LRRC72: variants seen among roughly 807,000 people sequenced by gnomAD.
The protein encoded by LRRC72 is leucine-rich repeat-containing protein 72.
LRRC72 carries 41 observed loss-of-function variants against 35.8 expected under a neutral mutation model. The ratio of observed to expected loss-of-function variants is 1.15; its 90% CI spans 0.89 to 1.49. LRRC72 has a LOEUF of 1.49. Ranked by LOEUF, LRRC72 falls within the 40% of genes most tolerant of loss-of-function variation. The pLI, the probability that LRRC72 is intolerant of heterozygous loss-of-function variation, is 0.00. For synonymous variants in LRRC72, 118 were observed against 119.2 expected, an observed-to-expected ratio of 0.99 and a Z score of 0.07; for missense variants, 389 against 330.7, an observed-to-expected ratio of 1.18 and a Z score of -1.37.
chr7:16,544,890 G>T (rs1643879608), intron 3 of LRRC72, among the ~76,000 whole-genome samples: 1 of 152,180 alleles, frequency 6.6e-6, no homozygotes, highest in Admixed American at 6.5e-5. Flanking sequence ...AATGGTTAAT[G>T]CATTTTATAA....
intron 1 of LRRC72, among the ~76,000 whole-genome samples, chr7:16,531,614 T>A (rs1782166630): frequency 1.3e-5 from 2 of 152,352 alleles, no homozygotes; most frequent in South Asian, 2.1e-4. Flanking sequence ...TTGACTCTGA[T>A]AATTACAATG....
At chr7:16,545,240 T>C (rs899238001) in intron 3 of LRRC72, among the ~76,000 whole-genome samples, 1 of 152,268 alleles carries the variant, frequency 6.6e-6, no homozygotes, top group African/African-American at 2.4e-5. Flanking sequence ...GATACTGTTA[T>C]GATTTCCTAG....
At chr7:16,538,973 G>A (rs1327934836) in intron 3 of LRRC72, among the ~76,000 whole-genome samples, 1 of 152,164 alleles carries the variant, frequency 6.6e-6, no homozygotes, top group Non-Finnish European at 1.5e-5. Flanking sequence ...GTGTGAAAAT[G>A]GACGAATACA....
At chr7:16,539,310 G>T (rs1469876240) in intron 3 of LRRC72, among the ~76,000 whole-genome samples, 1 of 152,120 alleles carries the variant, frequency 6.6e-6, no homozygotes, top group Non-Finnish European at 1.5e-5. Flanking sequence ...AGAGACCTGT[G>T]GAACTTTGAA....
chr7:16,573,925 G>T (rs564002575), intron 7 of LRRC72, among the ~76,000 whole-genome samples: 1 of 152,038 alleles, frequency 6.6e-6, no homozygotes, highest in Non-Finnish European at 1.5e-5. Context: ...GCTAATATCC[G>T]GAATCTACAA....
intron 3 of LRRC72, among the ~76,000 whole-genome samples, chr7:16,556,401 A>G (rs900020238): frequency 1.3e-5 from 2 of 152,198 alleles, no homozygotes; most frequent in African/African-American, 4.8e-5. Context: ...GATGGTCAAG[A>G]AAATGGAGGT....
chr7:16,530,580 T>C (rs546008601), intron 1 of LRRC72: 1 of 152,356 alleles, frequency 6.6e-6, no homozygotes, highest in Non-Finnish European at 1.5e-5. Flanking sequence ...CTCTATATTT[T>C]GAAACTACTT....
chr7:16,565,618 A>T (rs890860928), intron 5 of LRRC72, among the ~76,000 whole-genome samples: 4 of 152,208 alleles, frequency 2.6e-5, no homozygotes, highest in African/African-American at 7.2e-5. Flanking sequence ...ATATGATGTC[A>T]AAAGTGCCAG....
chr7:16,537,576 C>A, intron 2 of LRRC72, 51 bp from the exon 3 acceptor site: 1 of 1,126,104 alleles, frequency 8.9e-7, no homozygotes, highest in Non-Finnish European at 1.3e-6. Context: ...CCAGACTTAC[C>A]TATGTGTGAA....
Position 16,528,229 on chromosome 7 carries a change from T to C in LRRC72, c.90+1187T>C, listed in dbSNP as rs535388002. Among the ~76,000 whole-genome samples the C allele has an allele frequency of 4.6e-5, 7 of 152,294 alleles. No individual in the cohort carries two copies. The East Asian group carries it at 1.2e-3, about 25-fold the overall frequency. On this transcript the variant is annotated intron_variant, in intron 1 of 8. Transcript: ENST00000401542. ...ATCCTCCTCTGTCTCCTTTCCATCA[T>C]GTTTCCCTCTCCCTTCTCTCCATGT... is the stretch of plus-strand genomic sequence containing the variant.
chr7:16,545,284 C>A (rs890285643), intron 3 of LRRC72, among the ~76,000 whole-genome samples: 1 of 152,232 alleles, frequency 6.6e-6, no homozygotes, highest in Non-Finnish European at 1.5e-5. Flanking sequence ...GAGAATTCAG[C>A]AAATAGCACA....
At chr7:16,532,410 G>A (rs1455301037) in intron 1 of LRRC72, 85 bp from the exon 2 acceptor site, 1 of 881,604 alleles carries the variant, frequency 1.1e-6, no homozygotes, top group East Asian at 2.6e-5. Context: ...TGATCTTCTT[G>A]TAGACGTTAT....
At chr7:16,562,291 T>C (rs1172386674) in intron 5 of LRRC72, among the ~76,000 whole-genome samples, 2 of 152,160 alleles carry the variant, frequency 1.3e-5, no homozygotes, top group African/African-American at 2.4e-5. Flanking sequence ...AGAATCCACA[T>C]GTGTCAAAGA....
chr7:16,548,434 C>T (rs1290844246), intron 3 of LRRC72, among the ~76,000 whole-genome samples: 2 of 152,174 alleles, frequency 1.3e-5, no homozygotes, highest in African/African-American at 4.8e-5. Context: ...GAACCCAGAC[C>T]TAGGAGCTCC....
At chr7:16,581,299 TG>T in intron 8 of LRRC72, 24 bp from the exon 9 acceptor site, 1 of 1,417,588 alleles carries the variant, frequency 7.1e-7, no homozygotes, top group Non-Finnish European at 9.3e-7. Context: ...GCTTTTTTTC[TG>T]ACATAATTGC....
intron 1 of LRRC72, among the ~76,000 whole-genome samples, chr7:16,528,607 C>A (rs1055049931): frequency 6.6e-6 from 1 of 152,144 alleles, no homozygotes; most frequent in Non-Finnish European, 1.5e-5. Flanking sequence ...CTGCCCCCAC[C>A]CTGAGGGGGC....
intron 5 of LRRC72, among the ~76,000 whole-genome samples, chr7:16,560,190 C>A (rs1782722222): frequency 6.6e-6 from 1 of 152,118 alleles, no homozygotes; most frequent in Non-Finnish European, 1.5e-5. Context: ...TAATGTAACG[C>A]AATAGATATA....
At chr7:16,573,337 T>C (rs1023098004) in intron 7 of LRRC72, among the ~76,000 whole-genome samples, 8 of 152,124 alleles carry the variant, frequency 5.3e-5, no homozygotes, top group Non-Finnish European at 1.0e-4. Flanking sequence ...AAAGAGCCTG[T>C]ATAGCCAAGA....
At chr7:16,540,145 A>G (rs565467772) in intron 3 of LRRC72, among the ~76,000 whole-genome samples, 1 of 152,316 alleles carries the variant, frequency 6.6e-6, no homozygotes, top group East Asian at 1.9e-4. Flanking sequence ...TGTACCCTGA[A>G]AAACCACAGG....
Sources: allele counts gnomAD v4.1 joint callset (sites outside exome capture counted in the v4.1 genomes callset), GRCh38; gene constraint gnomAD v4.1.1; transcripts MANE v1.5; gene names NCBI Gene and HGNC (gene_info 2026-07-23, HGNC 2026-07-21).